FBXW11: variants seen among roughly 807,000 people sequenced by gnomAD.
FBXW11 encodes the protein F-box/WD repeat-containing protein 11.
In FBXW11, 19 loss-of-function variants were observed where a neutral mutation model predicts 77.6. The ratio of observed to expected loss-of-function variants is 0.24; its 90% confidence interval spans 0.17 to 0.36. The LOEUF is 0.36. Among genes scored for constraint, FBXW11 ranks in the 10% least tolerant of loss-of-function variants. The pLI is 1.00. For synonymous variants in FBXW11, 235 were observed against 249.4 expected (o/e 0.94, Z 0.54); for missense variants, 334 against 704.2 (o/e 0.47, Z 5.95).
intron 2 of FBXW11, among the ~76,000 whole-genome samples, chr5:171,925,642 G>A (rs1761853217): frequency 6.6e-6 from 1 of 152,100 alleles, no homozygotes; most frequent in South Asian, 2.1e-4. Flanking sequence ...CACCGTGCCT[G>A]GCTAATTTTT....
At chr5:171,982,721 C>T (rs1765215063) in intron 1 of FBXW11, among the ~76,000 whole-genome samples, 1 of 152,022 alleles carries the variant, frequency 6.6e-6, no homozygotes. Flanking sequence ...AGCAAAACTC[C>T]CACAGCCCTT....
chr5:171,863,498 T>C lies in FBXW11; in HGVS notation c.*629A>G, dbSNP rs1757206901. ...ATTACCTGTTGGTAGATAATATAAC[T>C]GACTTATAGTTCTTTAAATTAAAAG... On this transcript the variant is annotated 3_prime_UTR_variant, in exon 14 of 14. Coordinates refer to ENST00000517395, the MANE Select transcript of FBXW11 (RefSeq NM_001378974.1). The C allele has an allele frequency of 6.6e-6, 1 of 152,560 alleles. No individual in the cohort carries two copies. The highest frequency in any genetic ancestry group is 1.5e-5 in the Non-Finnish European group (1 of 68,042). The allele number at this position is 152,560 out of a possible 1,614,324, so 9.5% of individuals were successfully genotyped here. A position where few individuals can be genotyped will look rare whatever the true frequency, so the allele number is the denominator to read the frequency against.
chr5:171,873,805 ATAT>A (rs1757900906), intron 9 of FBXW11, among the ~76,000 whole-genome samples: 1 of 152,208 alleles, frequency 6.6e-6, no homozygotes, highest in African/African-American at 2.4e-5. Context: ...ACAGCTAAAC[ATAT>A]TATTAGACAA....
intron 7 of FBXW11, among the ~76,000 whole-genome samples, chr5:171,881,900 A>G (rs1758535018): frequency 6.6e-6 from 1 of 152,228 alleles, no homozygotes; most frequent in Non-Finnish European, 1.5e-5. Context: ...TTTAACGCTC[A>G]TGAGAGCTAT....
At chr5:172,000,941 T>G (rs987231004) in intron 1 of FBXW11, among the ~76,000 whole-genome samples, 44 of 152,328 alleles carry the variant, frequency 2.9e-4, no homozygotes, top group African/African-American at 1.1e-3. Flanking sequence ...TTGGCAAACC[T>G]GCACCAACTG....
At position 171,907,243 on chromosome 5, in the gene FBXW11, T is replaced by C. The variant is rs73801501; in HGVS notation, c.436+3329A>G. ...TTTCCCTATACTGACAGGTATGATA[T>C]TCACAGCAAGCATTTAAAAGCTATA... On this transcript the variant is annotated intron_variant, in intron 4 of 13. Transcript: ENST00000517395. 6.9e-3 allele frequency among the ~76,000 whole-genome samples: 1,049 copies of C among 152,294 alleles called. 14 individuals are homozygous for C. The highest frequency in any genetic ancestry group is 0.024 in the African/African-American group (1,011 of 41,560).
chr5:171,930,109 G>A (rs1479243315), intron 2 of FBXW11, among the ~76,000 whole-genome samples: 6 of 152,194 alleles, frequency 3.9e-5, no homozygotes, highest in African/African-American at 1.4e-4. Flanking sequence ...GCAGATAAAA[G>A]ATTGACATAA....
At chr5:171,914,184 T>G (rs1466385165) in intron 3 of FBXW11, among the ~76,000 whole-genome samples, 159 bp downstream of exon 3, 1 of 152,212 alleles carries the variant, frequency 6.6e-6, no homozygotes, top group Non-Finnish European at 1.5e-5. Flanking sequence ...GACAATTCCC[T>G]ATGGAATGAA....
chr5:171,998,353 T>TTTTTTTTTTTTTA (rs1561762294), intron 1 of FBXW11, among the ~76,000 whole-genome samples: 1 of 148,144 alleles, frequency 6.8e-6, no homozygotes, highest in Non-Finnish European at 1.5e-5. Flanking sequence ...TTTTTTTTTT[T>TTTTTTTTTTTTTA]AAGTAGAGAC....
intron 1 of FBXW11, among the ~76,000 whole-genome samples, chr5:171,989,589 T>C (rs956785856): frequency 6.6e-6 from 1 of 152,230 alleles, no homozygotes; most frequent in African/African-American, 2.4e-5. Flanking sequence ...TGCACAAGGT[T>C]ACACATCCTA....
At position 171,869,070 on chromosome 5, in the gene FBXW11, C is replaced by T. The variant is rs1757604637; in HGVS notation, c.1531-274G>A. On this transcript the variant is annotated intron_variant, in intron 12 of 13. Transcript: ENST00000517395. This position sits in a 1 kb window ranked among gnomAD's most constrained non-coding sequence, Gnocchi z 4.1. ...AAAAGGGCCTTATAAAAGTAAACAA[C>T]AATACATAATACCCATTCTTGATAC... 6.6e-6 allele frequency among the ~76,000 whole-genome samples: 1 copy of T among 152,114 alleles called. No individual in the cohort carries two copies. The highest frequency in any genetic ancestry group is 6.5e-5 in the Admixed American group (1 of 15,276).
chr5:171,893,285 A>C lies in FBXW11; in HGVS notation c.715-1681T>G, dbSNP rs183885902. Among the ~76,000 whole-genome samples, 92 of 152,062 alleles carry C rather than the reference A, an allele frequency of 6.1e-4. 1 individual carries two copies. Among genetic ancestry groups the C allele is most frequent in the Non-Finnish European group, 1.0e-3 (69 of 67,980 alleles). Reference sequence around the variant, plus strand: ...ATATTTCCAATGCTCAGGAGATACAAGGAGGTGCCATGGAGATGCCAGGAG... The same window carrying C: ...ATATTTCCAATGCTCAGGAGATACACGGAGGTGCCATGGAGATGCCAGGAG... On this transcript the variant is annotated intron_variant, in intron 6 of 13. Transcript: ENST00000517395.
intron 4 of FBXW11, among the ~76,000 whole-genome samples, chr5:171,901,649 A>G (rs1760121236): frequency 1.3e-5 from 2 of 152,230 alleles, no homozygotes; most frequent in South Asian, 2.1e-4. Context: ...TCTGATAGTC[A>G]TATCACAGAA....
intron 7 of FBXW11, among the ~76,000 whole-genome samples, chr5:171,890,380 G>C (rs946095719): frequency 1.3e-5 from 2 of 151,908 alleles, no homozygotes; most frequent in Non-Finnish European, 1.5e-5. Flanking sequence ...AAAATTAGCT[G>C]GGCGTGGTGC....
At chr5:171,905,593 C>CG (rs1393337015) in intron 4 of FBXW11, among the ~76,000 whole-genome samples, 5 of 100,536 alleles carry the variant, frequency 5.0e-5, no homozygotes, top group Non-Finnish European at 1.0e-4. Context: ...AAGCTAACCC[C>CG]CCCCCCTTTA....
chr5:171,982,871 T>A (rs1201411568), intron 1 of FBXW11, among the ~76,000 whole-genome samples: 1 of 152,112 alleles, frequency 6.6e-6, no homozygotes, highest in Non-Finnish European at 1.5e-5. Flanking sequence ...TCCTGCCTTA[T>A]ACCCCAGGGG....
chr5:171,891,339 C>T (rs1759332527), intron 7 of FBXW11, 128 bp downstream of exon 7: 2 of 813,838 alleles, frequency 2.5e-6, no homozygotes, highest in South Asian at 5.2e-5. Context: ...TAGAACTACA[C>T]TGAGAGCTGC....
intron 2 of FBXW11, among the ~76,000 whole-genome samples, chr5:171,925,273 A>C (rs976683033): frequency 2.6e-5 from 4 of 152,156 alleles, no homozygotes; most frequent in African/African-American, 9.7e-5. Flanking sequence ...GAGTATAATA[A>C]ATCCCATACT....
intron 1 of FBXW11, among the ~76,000 whole-genome samples, chr5:171,981,117 T>C (rs1765122391): frequency 6.8e-6 from 1 of 147,966 alleles, no homozygotes; most frequent in Non-Finnish European, 1.5e-5. Context: ...TAATTAATCA[T>C]TAATCATTCC....
Sources: gnomAD v4.1 joint callset for allele counts (sites outside exome capture counted in the v4.1 genomes callset) on GRCh38, gnomAD v4.1.1 for gene constraint, Gnocchi (gnomAD v3.1) non-coding constraint, MANE v1.5 for transcripts, NCBI Gene and HGNC (gene_info 2026-07-23, HGNC 2026-07-21) for gene names.